The following ADD2 variants were observed in gnomAD, a reference collection of about 807,000 sequenced individuals.
The protein encoded by ADD2 is beta-adducin.
ADD2 carries 23 observed loss-of-function variants against 83.0 expected under a neutral mutation model. That is an observed-to-expected ratio of 0.28 (90% CI 0.20 to 0.39). The LOEUF is 0.39. Among genes scored for constraint, ADD2 ranks in the 10% least tolerant of loss-of-function variants. ADD2 has a pLI of 1.00. For missense variants in ADD2, 758 were observed against 944.9 expected (o/e 0.80, Z 2.59); for synonymous variants, 375 against 375.4 (o/e 1.00, Z 0.01).
chr2:70,744,722 T>G (rs140837231), intron 1 of ADD2, among the ~76,000 whole-genome samples: 176 of 152,236 alleles, frequency 1.2e-3, no homozygotes, highest in African/African-American at 4.1e-3. Flanking sequence ...AAGGTCCCAT[T>G]TTCATATTGA....
At chr2:70,735,462 A>T (rs1553379915) in intron 1 of ADD2, among the ~76,000 whole-genome samples, 1 of 152,068 alleles carries the variant, frequency 6.6e-6, no homozygotes, top group African/African-American at 2.4e-5. Context: ...GGGAGCTTTT[A>T]AAAATTTCCC....
At chr2:70,738,397 G>C (rs1673698028) in intron 1 of ADD2, among the ~76,000 whole-genome samples, 1 of 152,220 alleles carries the variant, frequency 6.6e-6, no homozygotes, top group Non-Finnish European at 1.5e-5. Context: ...AGACTGAAAA[G>C]AGAAGCATGA....
intron 1 of ADD2, among the ~76,000 whole-genome samples, chr2:70,724,045 G>A (rs907895328): frequency 3.3e-5 from 5 of 152,230 alleles, no homozygotes; most frequent in African/African-American, 1.2e-4. Flanking sequence ...CAGTGATGAG[G>A]CCACAGTGAA....
At chr2:70,712,449 AAAT>A (rs782228639) in intron 2 of ADD2, among the ~76,000 whole-genome samples, 1 of 127,834 alleles carries the variant, frequency 7.8e-6, no homozygotes, top group Admixed American at 7.4e-5. Flanking sequence ...GTCTCAAAAA[AAAT>A]AAATAAATAA....
chr2:70,766,610 C>T (rs1553386096), intron 1 of ADD2, among the ~76,000 whole-genome samples: 1 of 152,218 alleles, frequency 6.6e-6, no homozygotes, highest in East Asian at 1.9e-4. Flanking sequence ...AATGAGAACA[C>T]CCCTCACTGC....
intron 15 of ADD2, among the ~76,000 whole-genome samples, chr2:70,671,727 C>T (rs1165531819): frequency 1.3e-5 from 2 of 152,142 alleles, no homozygotes; most frequent in African/African-American, 2.4e-5. Context: ...CTCAAGCAGA[C>T]GGGTTTCTTC....
intron 1 of ADD2, among the ~76,000 whole-genome samples, chr2:70,732,020 T>C (rs1326030130): frequency 2.0e-5 from 3 of 152,182 alleles, no homozygotes; most frequent in Non-Finnish European, 4.4e-5. Flanking sequence ...ACCACTGATA[T>C]TCTGTGGGAC....
In ADD2 at chr2:70,764,414, T is replaced by C. The variant is rs1675275035; in HGVS notation, c.-154+3472A>G. Among the ~76,000 whole-genome samples, 2 of 151,866 alleles carry C rather than the reference T, an allele frequency of 1.3e-5. 1 individual carries two copies. The highest frequency in any genetic ancestry group is 4.1e-4 in the South Asian group (2 of 4,828). On this transcript the variant is annotated intron_variant, in intron 1 of 15. Transcript: ENST00000264436. ...GCAGTGGTCGCCAGGAGCTGTTCTT[T>C]TGGAGTTGGCAAGTTGTGTGTGTCC... is the stretch of plus-strand genomic sequence containing the variant.
chr2:70,673,008 TG>T lies in ADD2; in HGVS notation c.1742-3del, dbSNP rs1553367437. On this transcript the variant is annotated splice_polypyrimidine_tract_variant and splice_region_variant and intron_variant, in intron 14 of 15. Transcript: ENST00000264436. The stretch of plus-strand genomic sequence containing the variant: ...CTTCTGGGGCAGTTTCTTTCTCTCC[TG>T]AAAAAACAGAAAAACACCTCAGGAT... 1 of 1,610,314 alleles carries T rather than the reference TG, an allele frequency of 6.2e-7. No homozygotes were observed. Among genetic ancestry groups the T allele is most frequent in the Admixed American group, 1.7e-5 (1 of 59,062 alleles).
At chr2:70,672,694 G>A (rs1410894167) in intron 15 of ADD2, among the ~76,000 whole-genome samples, 184 bp downstream of exon 15, 2 of 152,218 alleles carry the variant, frequency 1.3e-5, no homozygotes, top group South Asian at 2.1e-4. Context: ...TAAGCTGCAA[G>A]GTGTAGTGTT....
chr2:70,672,840 C>T, intron 15 of ADD2, 38 bp downstream of exon 15: 2 of 1,576,132 alleles, frequency 1.3e-6, no homozygotes, highest in Non-Finnish European at 1.7e-6. Context: ...GCAGATGCAC[C>T]CCTCTCCCTC....
intron 1 of ADD2, among the ~76,000 whole-genome samples, chr2:70,716,879 T>C (rs1353832165): frequency 1.3e-5 from 2 of 152,178 alleles, no homozygotes; most frequent in South Asian, 2.1e-4. Context: ...CTTGCCTAAT[T>C]TGAGACAGAA....
chr2:70,718,119 T>C (rs3755361), intron 1 of ADD2, among the ~76,000 whole-genome samples: 103,446 of 152,090 alleles, frequency 0.68, 36,783 homozygotes, highest in East Asian at 0.9. Context: ...ATTTTAAAAG[T>C]CCTCCAGCAA....
chr2:70,657,411 C>A lies in ADD2; in HGVS notation c.*6014G>T, dbSNP rs1021755925. The A allele has an allele frequency of 6.6e-6, 1 of 152,228 alleles. No homozygotes were observed. The highest frequency in any genetic ancestry group is 1.5e-5 in the Non-Finnish European group (1 of 68,062). 9.4% of individuals were successfully genotyped at this position (152,228 alleles called of 1,614,324 possible). The stretch of plus-strand genomic sequence containing the variant: ...AGGCTCTGGACCGTATGTTCTCCCC[C>A]ACCTGGCCTCTTCCCGGAGAGAGCA... On this transcript the variant is annotated 3_prime_UTR_variant, in exon 16 of 16. Coordinates refer to ENST00000264436, the MANE Select transcript of ADD2 (RefSeq NM_001617.4).
chr2:70,732,028 G>A (rs942379774), intron 1 of ADD2, among the ~76,000 whole-genome samples: 5 of 152,098 alleles, frequency 3.3e-5, no homozygotes, highest in Admixed American at 2.6e-4. Context: ...TATTCTGTGG[G>A]ACCTGATGCC....
At chr2:70,698,570 T>C (rs1553373063) in intron 4 of ADD2, among the ~76,000 whole-genome samples, 3 of 152,180 alleles carry the variant, frequency 2.0e-5, no homozygotes, top group Admixed American at 1.3e-4. Flanking sequence ...AGAAAAGACG[T>C]GGAATGCTCC....
At chr2:70,722,281 A>C (rs1672767527) in intron 1 of ADD2, among the ~76,000 whole-genome samples, 1 of 152,200 alleles carries the variant, frequency 6.6e-6, no homozygotes, top group Non-Finnish European at 1.5e-5. Flanking sequence ...ATTGATTGGC[A>C]CACCAATTAT....
chr2:70,734,205 T>C (rs1558567701), intron 1 of ADD2, among the ~76,000 whole-genome samples: 1 of 152,172 alleles, frequency 6.6e-6, no homozygotes, highest in Non-Finnish European at 1.5e-5. Context: ...AAAATGAGTT[T>C]ATCTACATAG....
At chr2:70,711,730 A>C (rs969639065) in intron 2 of ADD2, among the ~76,000 whole-genome samples, 1 of 152,214 alleles carries the variant, frequency 6.6e-6, no homozygotes, top group Non-Finnish European at 1.5e-5. Flanking sequence ...CTATGGATGC[A>C]TCTCTTCCAT....
Sources: allele counts gnomAD v4.1 joint callset (sites outside exome capture counted in the v4.1 genomes callset), GRCh38; gene constraint gnomAD v4.1.1; transcripts MANE v1.5; gene names NCBI Gene and HGNC (gene_info 2026-07-23, HGNC 2026-07-21).